MGMT: variants seen among roughly 807,000 people sequenced by gnomAD.
MGMT encodes the protein O-6-methylguanine-DNA methyltransferase.
MGMT carries 14 observed loss-of-function variants against 15.9 expected under a neutral mutation model. That is an observed-to-expected ratio of 0.88 (90% confidence interval 0.58 to 1.37). MGMT has a LOEUF of 1.37. Ranked by LOEUF, MGMT falls within the 40% of genes most tolerant of loss-of-function variation. The pLI is 0.00. For synonymous variants in MGMT, 130 were observed against 118.2 expected (o/e 1.10, Z -0.65); for missense variants, 282 against 268.1 (o/e 1.05, Z -0.36).
chr10:129,619,134 C>A (rs1847061708), intron 2 of MGMT, among the ~76,000 whole-genome samples: 1 of 152,020 alleles, frequency 6.6e-6, no homozygotes, highest in African/African-American at 2.4e-5. Context: ...CATTGAAGTT[C>A]TATTCTTGTA....
intron 2 of MGMT, among the ~76,000 whole-genome samples, chr10:129,610,073 A>T (rs777496975): frequency 6.6e-6 from 1 of 152,166 alleles, no homozygotes; most frequent in Non-Finnish European, 1.5e-5. Context: ...TATTGTTTGG[A>T]TTATTTTGGA....
chr10:129,503,291 G>A (rs892397268), intron 1 of MGMT, among the ~76,000 whole-genome samples: 4 of 152,210 alleles, frequency 2.6e-5, no homozygotes, highest in Admixed American at 6.5e-5. Context: ...GCCACTTCCC[G>A]AGATAAAGCT....
intron 2 of MGMT, among the ~76,000 whole-genome samples, chr10:129,655,718 A>G (rs1303033051): frequency 1.3e-5 from 2 of 152,212 alleles, no homozygotes; most frequent in Admixed American, 1.3e-4. Flanking sequence ...GCTGTTCCTC[A>G]GTATAGCTGT....
At chr10:129,499,313 T>G (rs757924609) in intron 1 of MGMT, among the ~76,000 whole-genome samples, 6 of 152,242 alleles carry the variant, frequency 3.9e-5, no homozygotes, top group Non-Finnish European at 8.8e-5. Context: ...ATGAAATCCT[T>G]TTGTTTCATT....
intron 1 of MGMT, among the ~76,000 whole-genome samples, chr10:129,528,464 G>A (rs962569847): frequency 2.6e-5 from 4 of 151,874 alleles, no homozygotes; most frequent in Admixed American, 6.6e-5. Flanking sequence ...GGAGACAGCA[G>A]TAGCACGGAG....
At chr10:129,578,612 A>T (rs978903816) in intron 2 of MGMT, among the ~76,000 whole-genome samples, 1 of 152,204 alleles carries the variant, frequency 6.6e-6, no homozygotes, top group Non-Finnish European at 1.5e-5. Context: ...CAGCACACCA[A>T]CATGGCACAT....
chr10:129,529,739 A>G (rs1248188696), intron 1 of MGMT, among the ~76,000 whole-genome samples: 2 of 152,202 alleles, frequency 1.3e-5, no homozygotes, highest in African/African-American at 4.8e-5. Flanking sequence ...TGCATATAAG[A>G]CATGGTGAGA....
At chr10:129,478,951 A>G (rs1310883663) in intron 1 of MGMT, among the ~76,000 whole-genome samples, 2 of 152,182 alleles carry the variant, frequency 1.3e-5, no homozygotes, top group African/African-American at 4.8e-5. Flanking sequence ...CTTGAGGGTC[A>G]TCTTATCCTG....
At chr10:129,634,821 ATTTC>A (rs1257262385) in intron 2 of MGMT, among the ~76,000 whole-genome samples, 1 of 152,012 alleles carries the variant, frequency 6.6e-6, no homozygotes, top group African/African-American at 2.4e-5. Flanking sequence ...TGACTGGTGT[ATTTC>A]TTCGTAATGG....
chr10:129,740,596 G>A (rs1848620471), intron 3 of MGMT, among the ~76,000 whole-genome samples: 2 of 152,164 alleles, frequency 1.3e-5, no homozygotes, highest in African/African-American at 2.4e-5. Context: ...ATTTTACCAG[G>A]AGGAAACGGA....
chr10:129,576,020 C>T (rs1846478250), intron 2 of MGMT, among the ~76,000 whole-genome samples: 1 of 152,116 alleles, frequency 6.6e-6, no homozygotes, highest in South Asian at 2.1e-4. Context: ...CAATAATAGG[C>T]TCTGAAATTG....
At chr10:129,752,735 T>A (rs772856653) in intron 3 of MGMT, among the ~76,000 whole-genome samples, 1 of 152,142 alleles carries the variant, frequency 6.6e-6, no homozygotes, top group East Asian at 1.9e-4. Context: ...TAGATCCTTT[T>A]AGCTCTCCCA....
At chr10:129,559,313 G>T (rs140862847) in intron 2 of MGMT, among the ~76,000 whole-genome samples, 4 of 152,186 alleles carry the variant, frequency 2.6e-5, no homozygotes, top group Non-Finnish European at 4.4e-5. Flanking sequence ...ATGTACTATA[G>T]CCTTCTTACT....
intron 2 of MGMT, among the ~76,000 whole-genome samples, chr10:129,640,142 G>T (rs1182226345): frequency 1.4e-5 from 2 of 147,694 alleles, no homozygotes; most frequent in African/African-American, 5.0e-5. Context: ...CTTTCTCCCA[G>T]CCTGGAGTTC....
intron 2 of MGMT, among the ~76,000 whole-genome samples, chr10:129,593,949 C>T (rs899492850): frequency 1.3e-5 from 2 of 152,192 alleles, no homozygotes; most frequent in South Asian, 2.1e-4. Context: ...AAATGAGCCT[C>T]GACTTTGCTC....
intron 2 of MGMT, among the ~76,000 whole-genome samples, chr10:129,654,616 G>A (rs530565720): frequency 6.6e-6 from 1 of 152,206 alleles, no homozygotes; most frequent in African/African-American, 2.4e-5. Context: ...TGAGGGACCT[G>A]CTGCCTGGAG....
intron 2 of MGMT, among the ~76,000 whole-genome samples, chr10:129,550,463 T>G (rs1363359158): frequency 1.3e-5 from 2 of 150,796 alleles, no homozygotes; most frequent in Non-Finnish European, 3.0e-5. Flanking sequence ...TTTTTTTTTT[T>G]TGAGACTTAA....
rs1187315940 is a variant in MGMT at position 129,700,109 on chromosome 10, T to A, written c.126-7786T>A. The stretch of plus-strand genomic sequence containing the variant: ...GGAAATCAGTAGGGTGGCGCATGAA[T>A]CACTGAGAACAGCCCACGGTGTGTG... On this transcript the variant is annotated intron_variant, in intron 2 of 4. Coordinates refer to ENST00000651593, the MANE Select transcript of MGMT (RefSeq NM_002412.5). 2.0e-5 allele frequency: 3 copies of A among 152,194 alleles called. No homozygotes were observed. The South Asian group carries it at 6.2e-4, about 32-fold the overall frequency. 9.4% of individuals were successfully genotyped at this position (152,194 alleles called of 1,614,324 possible). A position where few individuals can be genotyped will look rare whatever the true frequency, so the allele number is the denominator to read the frequency against.
intron 3 of MGMT, among the ~76,000 whole-genome samples, chr10:129,733,045 T>C (rs1170569339): frequency 6.6e-6 from 1 of 151,482 alleles, no homozygotes; most frequent in African/African-American, 2.4e-5. Context: ...TATAGCAGCA[T>C]GATTTATAGT....
Sources: allele counts gnomAD v4.1 joint callset (sites outside exome capture counted in the v4.1 genomes callset), GRCh38; gene constraint gnomAD v4.1.1; transcripts MANE v1.5; gene names NCBI Gene and HGNC (gene_info 2026-07-23, HGNC 2026-07-21).